Variants in AUTS2 observed in about 807,000 individuals in gnomAD.
AUTS2 encodes activator of transcription and developmental regulator AUTS2.
Under a neutral mutation model 112.4 loss-of-function variants are expected in AUTS2, and 17 were observed. That is an observed-to-expected ratio of 0.15 (90% CI 0.10 to 0.23). AUTS2 has a LOEUF of 0.23. Among genes scored for constraint, AUTS2 ranks in the 10% least tolerant of loss-of-function variants. The pLI is 1.00. For missense variants in AUTS2, 1,510 were observed against 1,701.6 expected (o/e 0.89, Z 1.98); for synonymous variants, 751 against 702.7 (o/e 1.07, Z -1.09).
intron 1 of AUTS2, among the ~76,000 whole-genome samples, chr7:69,702,640 G>T (rs1372236799): frequency 1.3e-5 from 2 of 152,160 alleles, no homozygotes; most frequent in African/African-American, 4.8e-5. Context: ...ATTCTAGGTA[G>T]AGCTAGTGTG....
At chr7:70,073,077 C>T (rs1327217290) in intron 2 of AUTS2, among the ~76,000 whole-genome samples, 3 of 138,732 alleles carry the variant, frequency 2.2e-5, no homozygotes, top group Non-Finnish European at 4.7e-5. Context: ...CTCCCCTCTC[C>T]TCCCCTCCTT....
chr7:70,389,575 C>G (rs1793758488), intron 4 of AUTS2, among the ~76,000 whole-genome samples: 3 of 152,144 alleles, frequency 2.0e-5, no homozygotes, highest in Non-Finnish European at 4.4e-5. Context: ...TGCCTCCAAA[C>G]AGCCAAATGG....
intron 4 of AUTS2, among the ~76,000 whole-genome samples, chr7:70,181,786 G>A (rs1584844165): frequency 6.9e-6 from 1 of 145,534 alleles, no homozygotes; most frequent in Admixed American, 7.0e-5. Flanking sequence ...ACCAAGCCCA[G>A]CTGAGCTAAC....
intron 2 of AUTS2, among the ~76,000 whole-genome samples, chr7:70,053,136 A>T (rs1401196324): frequency 6.6e-6 from 1 of 152,208 alleles, no homozygotes; most frequent in Admixed American, 6.5e-5. Flanking sequence ...AAATAAGAGA[A>T]ATTACAGATA....
At chr7:69,606,160 A>T (rs189078049) in intron 1 of AUTS2, among the ~76,000 whole-genome samples, 4 of 152,302 alleles carry the variant, frequency 2.6e-5, no homozygotes, top group Non-Finnish European at 4.4e-5. Context: ...CTGTTGAAAA[A>T]GGGTTAAGAA....
At chr7:69,929,727 A>G (rs902137212) in intron 2 of AUTS2, among the ~76,000 whole-genome samples, 1 of 152,148 alleles carries the variant, frequency 6.6e-6, no homozygotes, top group African/African-American at 2.4e-5. Context: ...ACAAGTCTCT[A>G]TTTAACTGTT....
chr7:69,807,380 A>G (rs1464694722), intron 1 of AUTS2, among the ~76,000 whole-genome samples: 1 of 152,182 alleles, frequency 6.6e-6, no homozygotes, highest in East Asian at 1.9e-4. Flanking sequence ...TTAAAACAGC[A>G]AACTTTTACT....
intron 4 of AUTS2, among the ~76,000 whole-genome samples, chr7:70,349,545 G>A (rs924550853): frequency 1.3e-5 from 2 of 152,170 alleles, no homozygotes; most frequent in Non-Finnish European, 2.9e-5. Context: ...AAACCAGAAT[G>A]TAATTGATCC....
Position 70,053,544 on chromosome 7 carries a change from G to GTTTT in AUTS2, c.523-64579_523-64576dup, listed in dbSNP as rs200867539. On this transcript the variant is annotated intron_variant, in intron 2 of 18. Transcript: ENST00000342771. ...ATTGTGGCAACCACTGTTTTGGGTG[G>GTTTT]TTTTTTTTTTTTGGAGACAGGATCT... Among the ~76,000 whole-genome samples, 69 of 127,836 alleles carry GTTTT rather than the reference G, an allele frequency of 5.4e-4. 7 individuals are homozygous for GTTTT. The highest frequency in any genetic ancestry group is 1.1e-3 in the African/African-American group (35 of 32,348). 83.9% of individuals were successfully genotyped at this position (127,836 alleles called of 152,430 possible).
At chr7:69,838,795 C>T (rs565378395) in intron 1 of AUTS2, among the ~76,000 whole-genome samples, 4 of 152,136 alleles carry the variant, frequency 2.6e-5, no homozygotes, top group Non-Finnish European at 5.9e-5. Context: ...TCCCTTTATT[C>T]AGCCCTTGCT....
At chr7:70,376,931 A>G (rs1424407792) in intron 4 of AUTS2, among the ~76,000 whole-genome samples, 1 of 151,686 alleles carries the variant, frequency 6.6e-6, no homozygotes, top group African/African-American at 2.4e-5. Context: ...ACCTCAGGTC[A>G]CAGTCTTTGT....
chr7:70,381,765 G>C (rs560143671), intron 4 of AUTS2, among the ~76,000 whole-genome samples: 1 of 152,212 alleles, frequency 6.6e-6, no homozygotes, highest in South Asian at 2.1e-4. Context: ...TTTCTCCTTT[G>C]TCACATTGAC....
At chr7:69,886,899 T>G (rs1050165373) in intron 1 of AUTS2, among the ~76,000 whole-genome samples, 2 of 151,664 alleles carry the variant, frequency 1.3e-5, no homozygotes, top group African/African-American at 4.8e-5. Context: ...CTCAGCCTCC[T>G]GAGTAGCTGG....
chr7:70,317,240 G>T (rs933624360), intron 4 of AUTS2, among the ~76,000 whole-genome samples: 1 of 152,074 alleles, frequency 6.6e-6, no homozygotes, highest in African/African-American at 2.4e-5. Flanking sequence ...TGGAGCATTT[G>T]TATATTTTGT....
intron 2 of AUTS2, among the ~76,000 whole-genome samples, chr7:70,073,190 C>T (rs1457976441): frequency 6.6e-6 from 1 of 151,276 alleles, no homozygotes; most frequent in East Asian, 1.9e-4. Context: ...GCCAGATGAA[C>T]AGAAACAGAG....
At chr7:70,611,826 TAATAA>T (rs1391443330) in intron 5 of AUTS2, among the ~76,000 whole-genome samples, 1 of 152,188 alleles carries the variant, frequency 6.6e-6, no homozygotes, top group Non-Finnish European at 1.5e-5. Context: ...GCCTTGTGCA[TAATAA>T]AATAAAGTAA....
At chr7:70,616,250 G>A (rs907505454) in intron 5 of AUTS2, among the ~76,000 whole-genome samples, 6 of 152,200 alleles carry the variant, frequency 3.9e-5, no homozygotes, top group Non-Finnish European at 7.3e-5. Flanking sequence ...TTACACAGGG[G>A]TCTTATCTCC....
chr7:69,911,257 C>G (rs577443534), intron 2 of AUTS2, among the ~76,000 whole-genome samples: 1 of 152,210 alleles, frequency 6.6e-6, no homozygotes, highest in Non-Finnish European at 1.5e-5. Flanking sequence ...CTGTGGGCAC[C>G]CCTGTCTGGA....
intron 2 of AUTS2, among the ~76,000 whole-genome samples, chr7:69,969,551 A>C (rs1428355001): frequency 1.3e-5 from 2 of 152,170 alleles, no homozygotes; most frequent in Non-Finnish European, 2.9e-5. Flanking sequence ...TCAATTTAAA[A>C]ATTTTCATTG....
Sources: gnomAD v4.1 joint callset for allele counts (sites outside exome capture counted in the v4.1 genomes callset) on GRCh38, gnomAD v4.1.1 for gene constraint, MANE v1.5 for transcripts, NCBI Gene and HGNC (gene_info 2026-07-23, HGNC 2026-07-21) for gene names.